Variants in GRM5 observed in about 807,000 individuals in gnomAD.
GRM5 encodes glutamate metabotropic receptor 5, also known as metabotropic glutamate receptor 5.
Under a neutral mutation model 83.1 loss-of-function variants are expected in GRM5, and 19 were observed. The ratio of observed to expected loss-of-function variants is 0.23; its 90% CI spans 0.16 to 0.34. GRM5 has a LOEUF of 0.34. Among genes scored for constraint, GRM5 ranks in the 10% least tolerant of loss-of-function variants. The pLI is 1.00. For missense variants in GRM5, 1,160 were observed against 1,588.3 expected (o/e 0.73, Z 4.58); for synonymous variants, 675 against 633.6 (o/e 1.07, Z -0.98).
intron 3 of GRM5, among the ~76,000 whole-genome samples, chr11:88,655,364 C>T (rs549631136): frequency 2.0e-5 from 3 of 152,056 alleles, no homozygotes; most frequent in African/African-American, 7.2e-5. Flanking sequence ...GCAGCATGGG[C>T]GTGTTGCAAA....
chr11:88,568,530 G>T (rs906828543), intron 7 of GRM5, among the ~76,000 whole-genome samples: 1 of 152,110 alleles, frequency 6.6e-6, no homozygotes, highest in African/African-American at 2.4e-5. Flanking sequence ...AGGGAGGAAG[G>T]GGATCTTGCA....
intron 3 of GRM5, among the ~76,000 whole-genome samples, chr11:88,813,439 T>G (rs1943618484): frequency 6.6e-6 from 1 of 152,176 alleles, no homozygotes; most frequent in East Asian, 1.9e-4. Context: ...TGTGACTTAT[T>G]CTACCACCAT....
At chr11:88,694,872 G>A (rs577222452) in intron 3 of GRM5, among the ~76,000 whole-genome samples, 5 of 152,180 alleles carry the variant, frequency 3.3e-5, no homozygotes, top group Admixed American at 3.3e-4. Context: ...GGATGCTAAA[G>A]GACATCTACC....
At chr11:88,897,498 G>T (rs2135592100) in intron 2 of GRM5, among the ~76,000 whole-genome samples, 1 of 151,990 alleles carries the variant, frequency 6.6e-6, no homozygotes, top group South Asian at 2.1e-4. Context: ...AAATTTGCTT[G>T]CAATACTGTT....
chr11:88,697,441 A>C (rs891973912), intron 3 of GRM5, among the ~76,000 whole-genome samples: 1 of 152,186 alleles, frequency 6.6e-6, no homozygotes, highest in Non-Finnish European at 1.5e-5. Flanking sequence ...CTCAATACTC[A>C]TTTGTTAACC....
intron 2 of GRM5, among the ~76,000 whole-genome samples, chr11:88,994,829 C>T (rs1367947706): frequency 6.6e-6 from 1 of 151,556 alleles, no homozygotes; most frequent in South Asian, 2.1e-4. Flanking sequence ...ATAGAGCTTC[C>T]CTGTTACTGT....
chr11:88,934,875 C>A (rs1937841899), intron 2 of GRM5, among the ~76,000 whole-genome samples: 2 of 151,816 alleles, frequency 1.3e-5, no homozygotes, highest in African/African-American at 4.8e-5. Flanking sequence ...AAACACTGGA[C>A]TATAGAAACA....
intron 3 of GRM5, among the ~76,000 whole-genome samples, chr11:88,827,808 C>T (rs1447668164): frequency 6.6e-6 from 1 of 152,204 alleles, no homozygotes; most frequent in African/African-American, 2.4e-5. Flanking sequence ...CCTCATGGAG[C>T]TTACCTTCTA....
At chr11:88,634,020 A>G (rs1939051863) in intron 4 of GRM5, among the ~76,000 whole-genome samples, 1 of 152,202 alleles carries the variant, frequency 6.6e-6, no homozygotes, top group African/African-American at 2.4e-5. Context: ...ATGTTACTGT[A>G]CTAAATACTG....
At chr11:88,701,479 C>T (rs1023766859) in intron 3 of GRM5, among the ~76,000 whole-genome samples, 1 of 152,106 alleles carries the variant, frequency 6.6e-6, no homozygotes, top group South Asian at 2.1e-4. Context: ...ACAATAGCAA[C>T]AGCTGAGGAC....
At chr11:88,554,737 G>A (rs1425787739) in intron 8 of GRM5, among the ~76,000 whole-genome samples, 1 of 152,094 alleles carries the variant, frequency 6.6e-6, no homozygotes, top group Non-Finnish European at 1.5e-5. Flanking sequence ...GGCTCCTAGT[G>A]AGGTGAAAAA....
chr11:88,749,134 T>C (rs1247124430), intron 3 of GRM5, among the ~76,000 whole-genome samples: 1 of 152,044 alleles, frequency 6.6e-6, no homozygotes, highest in Non-Finnish European at 1.5e-5. Context: ...AAAAGGTGGG[T>C]AATAACGAAC....
chr11:89,048,237 T>C (rs955247934), intron 1 of GRM5, among the ~76,000 whole-genome samples, 165 bp from the exon 2 acceptor site: 1 of 152,214 alleles, frequency 6.6e-6, no homozygotes, highest in African/African-American at 2.4e-5. Flanking sequence ...CCTTTGTGAT[T>C]TGATGAAGCA....
intron 3 of GRM5, among the ~76,000 whole-genome samples, chr11:88,756,820 A>G (rs927178026): frequency 5.9e-5 from 9 of 152,170 alleles, no homozygotes; most frequent in African/African-American, 2.2e-4. Flanking sequence ...AGGATAACCT[A>G]TGTACTGTGG....
In GRM5 at chr11:88,992,785, C is replaced by A. The variant is rs538556500; in HGVS notation, c.661+54427G>T. On this transcript the variant is annotated intron_variant, in intron 2 of 9. Coordinates refer to ENST00000305447, the MANE Select transcript of GRM5 (RefSeq NM_001143831.3). Reference sequence around the variant, plus strand: ...CGCAAGGACAAAAAACCAAGCACCACGTGTTCTCACTCATAGGTGTGGATT... The same window carrying A: ...CGCAAGGACAAAAAACCAAGCACCAAGTGTTCTCACTCATAGGTGTGGATT... Among the ~76,000 whole-genome samples, 32 of 147,604 alleles carry A rather than the reference C, an allele frequency of 2.2e-4. No homozygotes were observed. In the South Asian group the frequency reaches 6.7e-3, roughly 31 times the overall value.
chr11:88,720,986 G>A (rs112736966), intron 3 of GRM5, among the ~76,000 whole-genome samples: 44 of 152,056 alleles, frequency 2.9e-4, no homozygotes, highest in African/African-American at 9.4e-4. Context: ...TAGCCATCAC[G>A]TAGCATTTCT....
rs1309979611 is a variant in GRM5, at chr11:88,807,574, C to T, written c.911+42332G>A. Among the ~76,000 whole-genome samples the T allele has an allele frequency of 2.0e-5, 3 of 152,044 alleles. No individual in the cohort carries two copies. The South Asian group carries it at 6.2e-4, about 31-fold the overall frequency. ...GGACCCACTTGGTAAGCACTTACTG[C>T]TGGGCCCTGTGAGTCGAGCAATTGA... On this transcript the variant is annotated intron_variant, in intron 3 of 9. Coordinates refer to ENST00000305447, the MANE Select transcript of GRM5 (RefSeq NM_001143831.3).
At chr11:88,887,307 A>C (rs2135580387) in intron 2 of GRM5, among the ~76,000 whole-genome samples, 1 of 152,314 alleles carries the variant, frequency 6.6e-6, no homozygotes, top group South Asian at 2.1e-4. Context: ...GTTAACCAGA[A>C]CCATTCTCTA....
At chr11:88,583,105 T>C in intron 7 of GRM5, among the ~76,000 whole-genome samples, 1 of 151,162 alleles carries the variant, frequency 6.6e-6, no homozygotes, top group East Asian at 1.9e-4. Context: ...TGTGCTTATT[T>C]ATTAAAAGGC....
Sources: gnomAD v4.1 joint callset for allele counts (sites outside exome capture counted in the v4.1 genomes callset) on GRCh38, gnomAD v4.1.1 for gene constraint, MANE v1.5 for transcripts, NCBI Gene and HGNC (gene_info 2026-07-23, HGNC 2026-07-21) for gene names.